The following MAGI2 variants were observed in gnomAD, a reference collection of about 807,000 sequenced individuals.
MAGI2 encodes membrane-associated guanylate kinase, WW and PDZ domain-containing protein 2.
Under a neutral mutation model 133.3 loss-of-function variants are expected in MAGI2, and 35 were observed. The observed-to-expected ratio is 0.26, with a 90% confidence interval of 0.20 to 0.35. The LOEUF (loss-of-function observed/expected upper bound fraction) is 0.35. Ranked by LOEUF, MAGI2 falls within the 10% of genes least tolerant of loss-of-function variation. The pLI is 1.00. For missense variants in MAGI2, 1,636 were observed against 1,863.4 expected (o/e 0.88, Z 2.25); for synonymous variants, 729 against 710.6 (o/e 1.03, Z -0.41).
At chr7:78,232,353 A>C (rs543340378) in intron 10 of MAGI2, among the ~76,000 whole-genome samples, 2 of 152,322 alleles carry the variant, frequency 1.3e-5, no homozygotes, top group East Asian at 1.9e-4. Context: ...GCTGTAGTAT[A>C]ATTAGGCTAA....
chr7:78,755,453 CAA>C (rs1022070876), intron 2 of MAGI2, among the ~76,000 whole-genome samples: 8 of 152,102 alleles, frequency 5.3e-5, no homozygotes, highest in Non-Finnish European at 1.0e-4. Flanking sequence ...AAGCATGTTT[CAA>C]AGAGTCTATG....
At chr7:78,264,944 C>G (rs1335849694) in intron 9 of MAGI2, among the ~76,000 whole-genome samples, 2 of 152,068 alleles carry the variant, frequency 1.3e-5, no homozygotes, top group Non-Finnish European at 2.9e-5. Context: ...CCAGTGACTC[C>G]AACACTCTTA....
In MAGI2 at chr7:78,925,671, G is replaced by T. The variant is rs1056097930; in HGVS notation, c.418+81419C>A. 3.9e-5 allele frequency among the ~76,000 whole-genome samples: 6 copies of T among 152,002 alleles called. 1 individual carries two copies. The highest frequency in any genetic ancestry group is 4.1e-4 in the South Asian group (2 of 4,824). ...GCAAAGGTAAGAATCCATTGGTCTTGCTTCTATTAATTTAGACATTAAAGA... is the reference window on the plus strand; with the variant it reads ...GCAAAGGTAAGAATCCATTGGTCTTTCTTCTATTAATTTAGACATTAAAGA... On this transcript the variant is annotated intron_variant, in intron 2 of 21. Transcript: ENST00000354212.
intron 12 of MAGI2, among the ~76,000 whole-genome samples, chr7:78,192,160 C>A (rs1373985165): frequency 6.6e-6 from 1 of 152,092 alleles, no homozygotes; most frequent in East Asian, 1.9e-4. Context: ...GGGGAAATGT[C>A]AAAGGACTTA....
intron 6 of MAGI2, among the ~76,000 whole-genome samples, chr7:78,456,130 C>G (rs1324487693): frequency 6.6e-6 from 1 of 151,670 alleles, no homozygotes; most frequent in Non-Finnish European, 1.5e-5. Flanking sequence ...GGAGAAGATG[C>G]AACAAGCCAG....
At chr7:78,339,622 T>C (rs1233062190) in intron 9 of MAGI2, among the ~76,000 whole-genome samples, 3 of 152,204 alleles carry the variant, frequency 2.0e-5, no homozygotes, top group African/African-American at 7.2e-5. Context: ...TTTCCCAAGA[T>C]GGAATTAGTC....
At chr7:78,759,316 T>C (rs1824259420) in intron 2 of MAGI2, among the ~76,000 whole-genome samples, 1 of 152,172 alleles carries the variant, frequency 6.6e-6, no homozygotes, top group African/African-American at 2.4e-5. Context: ...AATGAATTGC[T>C]TTATTTTTAA....
chr7:78,631,860 A>G (rs1809038955), intron 2 of MAGI2, among the ~76,000 whole-genome samples: 1 of 152,186 alleles, frequency 6.6e-6, no homozygotes, highest in Non-Finnish European at 1.5e-5. Flanking sequence ...TTTGGGACTC[A>G]GCCACTTGTT....
At chr7:78,030,621 G>A (rs1434032775) in intron 21 of MAGI2, among the ~76,000 whole-genome samples, 1 of 152,154 alleles carries the variant, frequency 6.6e-6, no homozygotes, top group East Asian at 1.9e-4. Flanking sequence ...GCACATAAAA[G>A]AGCATCTTTT....
chr7:78,648,436 C>T (rs1379879779), intron 2 of MAGI2, among the ~76,000 whole-genome samples: 1 of 152,204 alleles, frequency 6.6e-6, no homozygotes, highest in Non-Finnish European at 1.5e-5. Context: ...TCCAAAGATA[C>T]AACAGCTGAA....
intron 2 of MAGI2, among the ~76,000 whole-genome samples, chr7:78,989,480 A>G (rs1805555691): frequency 6.6e-6 from 1 of 152,070 alleles, no homozygotes; most frequent in South Asian, 2.1e-4. Flanking sequence ...AGAAAACTCC[A>G]GAGGCTTGAT....
At chr7:78,649,045 T>C (rs553919782) in intron 2 of MAGI2, among the ~76,000 whole-genome samples, 1 of 151,596 alleles carries the variant, frequency 6.6e-6, no homozygotes, top group South Asian at 2.1e-4. Context: ...ACCAATGTGG[T>C]GATTAATTTT....
At chr7:79,116,554 T>A (rs963393657) in intron 1 of MAGI2, among the ~76,000 whole-genome samples, 1 of 152,130 alleles carries the variant, frequency 6.6e-6, no homozygotes, top group South Asian at 2.1e-4. Flanking sequence ...TACCTACAGC[T>A]CCATTAGACT....
chr7:78,038,827 C>A (rs564973326), intron 21 of MAGI2, among the ~76,000 whole-genome samples: 4 of 152,354 alleles, frequency 2.6e-5, no homozygotes, highest in African/African-American at 9.6e-5. Flanking sequence ...TGTTTTCAAA[C>A]CCTCACAGTG....
chr7:79,262,076 A>G (rs922331925), intron 1 of MAGI2, among the ~76,000 whole-genome samples: 1 of 152,160 alleles, frequency 6.6e-6, no homozygotes, highest in African/African-American at 2.4e-5. Flanking sequence ...CAATTATTAT[A>G]TCACTAGTGT....
chr7:78,084,051 G>A (rs951374002), intron 20 of MAGI2, among the ~76,000 whole-genome samples: 4 of 152,136 alleles, frequency 2.6e-5, no homozygotes, highest in East Asian at 3.9e-4. Context: ...CGTTACAAAC[G>A]TGCTTACCTG....
At chr7:79,382,325 G>A (rs553424288) in intron 1 of MAGI2, among the ~76,000 whole-genome samples, 1 of 151,560 alleles carries the variant, frequency 6.6e-6, no homozygotes, top group South Asian at 2.1e-4. Context: ...TTTATTAACA[G>A]CATATTTTTC....
intron 6 of MAGI2, among the ~76,000 whole-genome samples, chr7:78,475,263 G>A (rs1165197005): frequency 6.6e-6 from 1 of 151,886 alleles, no homozygotes; most frequent in African/African-American, 2.4e-5. Flanking sequence ...TAAATGGAGT[G>A]ATACAAAAAT....
chr7:78,440,253 C>A (rs145382622), intron 6 of MAGI2, among the ~76,000 whole-genome samples: 87 of 152,092 alleles, frequency 5.7e-4, no homozygotes, highest in African/African-American at 2.0e-3. Context: ...TTCATTTATT[C>A]ATTTAAGGTA....
Sources: allele counts gnomAD v4.1 joint callset (sites outside exome capture counted in the v4.1 genomes callset), GRCh38; gene constraint gnomAD v4.1.1; transcripts MANE v1.5; gene names NCBI Gene and HGNC (gene_info 2026-07-23, HGNC 2026-07-21).